The following SGO2 variants were observed in gnomAD, a reference collection of about 807,000 sequenced individuals.
The protein encoded by SGO2 is shugoshin 2.
In SGO2, 68 loss-of-function variants were observed where a neutral mutation model predicts 99.5. That is an observed-to-expected ratio of 0.68 (90% CI 0.56 to 0.84). The LOEUF is 0.84. SGO2 is among the 40% of genes least tolerant of loss of function. The pLI, the probability that SGO2 is intolerant of heterozygous loss-of-function variation, is 0.00. For synonymous variants in SGO2, 457 were observed against 487.1 expected, an observed-to-expected ratio of 0.94 and a Z score of 0.81; for missense variants, 1,350 against 1,436.7, an observed-to-expected ratio of 0.94 and a Z score of 0.97.
chr2:200,569,570 C>G, intron 5 of SGO2, 93 bp from the exon 6 acceptor site: 1 of 927,142 alleles, frequency 1.1e-6, no homozygotes, highest in Non-Finnish European at 1.6e-6. Flanking sequence ...ATTTGTGGTT[C>G]GATCTTAAAT....
chr2:200,545,638 G>A (rs1422613036), intron 5 of SGO2, among the ~76,000 whole-genome samples: 6 of 152,152 alleles, frequency 3.9e-5, no homozygotes, highest in African/African-American at 1.4e-4. Context: ...CCAAAAAGAG[G>A]TGGAAAAACT....
chr2:200,533,184 T>C lies in SGO2; in HGVS notation c.133+76T>C, dbSNP rs923468590. The C allele has an allele frequency of 2.8e-6, 4 of 1,421,706 alleles. No homozygotes were observed. In the African/African-American group the frequency reaches 5.8e-5, roughly 21 times the overall value. The allele number at this position is 1,421,706 out of a possible 1,614,324, so 88.1% of individuals were successfully genotyped here. On this transcript the variant is annotated intron_variant, in intron 2 of 8. Coordinates refer to ENST00000357799, the MANE Select transcript of SGO2 (RefSeq NM_152524.6). ...ATTGTTATATATTTGCTACCTTATT[T>C]TATCAAGTACAGAAAATTACTAAAA...
intron 8 of SGO2, among the ~76,000 whole-genome samples, chr2:200,577,139 C>T (rs1317079700): frequency 6.6e-6 from 1 of 151,920 alleles, no homozygotes; most frequent in African/African-American, 2.4e-5. Flanking sequence ...TACCATTTTA[C>T]ATGCTTACCA....
chr2:200,556,266 G>A (rs977653893), intron 5 of SGO2, among the ~76,000 whole-genome samples: 3 of 152,190 alleles, frequency 2.0e-5, no homozygotes, highest in East Asian at 3.9e-4. Context: ...GTGCTAAGTC[G>A]AATATCCGCT....
intron 4 of SGO2, 49 bp from the exon 5 acceptor site, chr2:200,542,530 G>A: frequency 7.0e-7 from 1 of 1,431,164 alleles, no homozygotes; most frequent in Non-Finnish European, 9.7e-7. Context: ...TAACTAACAT[G>A]ATTTAATAAG....
chr2:200,545,744 TCA>T (rs1381288847), intron 5 of SGO2, among the ~76,000 whole-genome samples: 1 of 152,104 alleles, frequency 6.6e-6, no homozygotes, highest in African/African-American at 2.4e-5. Flanking sequence ...TCCCCTCAAC[TCA>T]CAGTTTCTAT....
Position 200,583,553 on chromosome 2 carries a change from T to C in SGO2, c.*89T>C. On this transcript the variant is annotated 3_prime_UTR_variant, in exon 9 of 9. Transcript: ENST00000357799. ...AGTATCAAGAAGATGAAATGCTTAA[T>C]GAAAAGGTTTTTTTTTTGTTTCTTT... 1 of 1,266,194 alleles carries C rather than the reference T, an allele frequency of 7.9e-7. No individual in the cohort carries two copies. The highest frequency in any genetic ancestry group is 1.1e-6 in the Non-Finnish European group (1 of 919,206). The allele number at this position is 1,266,194 out of a possible 1,614,324, so 78.4% of individuals were successfully genotyped here. A position where few individuals can be genotyped will look rare whatever the true frequency, so the allele number is the denominator to read the frequency against.
At chr2:200,551,198 T>C (rs1236363961) in intron 5 of SGO2, among the ~76,000 whole-genome samples, 2 of 152,144 alleles carry the variant, frequency 1.3e-5, no homozygotes, top group Admixed American at 6.5e-5. Flanking sequence ...ATTGCAGCAC[T>C]ATTCACAATA....
chr2:200,557,851 T>G (rs1186581888), intron 5 of SGO2, among the ~76,000 whole-genome samples: 1 of 150,498 alleles, frequency 6.6e-6, no homozygotes, highest in Non-Finnish European at 1.5e-5. Context: ...TTTCTTACCT[T>G]GTTGCATTGG....
Position 200,572,817 on chromosome 2 carries a change from A to G in SGO2, c.2471A>G (p.Gln824Arg). 1 of 1,611,942 alleles carries G rather than the reference A, an allele frequency of 6.2e-7. No homozygotes were observed. The change falls in exon 7 of 9, where the codon CAA becomes CGA. Residue 824 changes from glutamine (Q) to arginine (R), a missense_variant. Coordinates refer to ENST00000357799, the MANE Select transcript of SGO2 (RefSeq NM_152524.6). Reference sequence around the variant, plus strand: ...TCAGAAATAATTCCTGAAACCAACCAAATATATGAGAATGATAACAAAGGT... The same window carrying G: ...TCAGAAATAATTCCTGAAACCAACCGAATATATGAGAATGATAACAAAGGT... ...QKSEIIPETN[Q>R]IYENDNKGVH...
At chr2:200,542,745 T>C in intron 5 of SGO2, 81 bp downstream of exon 5, 2 of 1,205,166 alleles carry the variant, frequency 1.7e-6, no homozygotes, top group South Asian at 1.5e-5. Flanking sequence ...TATTGTACAG[T>C]GTTCAGGATC....
chr2:200,572,259 T>G lies in SGO2; in HGVS notation c.1913T>G (p.Val638Gly). 2 of 1,611,644 alleles carry G rather than the reference T, an allele frequency of 1.2e-6. No homozygotes were observed. Among genetic ancestry groups the G allele is most frequent in the Non-Finnish European group, 1.7e-6 (2 of 1,179,278 alleles). Residue 638 changes from valine to glycine, a missense_variant, in exon 7 of 9, where the codon GTG (valine) becomes GGG (glycine). Val to Gly is a moderately radical substitution (Grantham distance 109). Transcript: ENST00000357799. ...TATGAGGATAATGATAAAGATGTGG[T>G]GCATGGCCTAAAAAAAGGTAATTTT... ...HMYEDNDKDV[V>G]HGLKKGNFFF... is the part of the protein sequence containing the mutation.
chr2:200,577,678 C>CTT lies in SGO2; in HGVS notation c.3782+2230_3782+2231dup, dbSNP rs748786844. On this transcript the variant is annotated intron_variant, in intron 8 of 8. Transcript: ENST00000357799. ...CCTCCAACCTATGACAGTTTTCAGT[C>CTT]TTTTTTTTTTTTTTCTGCCTTGGAC... Among the ~76,000 whole-genome samples, 22 of 140,796 alleles carry CTT rather than the reference C, an allele frequency of 1.6e-4. 1 individual carries two copies. The South Asian group carries it at 3.6e-3, about 23-fold the overall frequency. The allele number at this position is 140,796 out of a possible 152,430, so 92.4% of individuals were successfully genotyped here.
chr2:200,581,582 T>G (rs1360511366), intron 8 of SGO2, among the ~76,000 whole-genome samples: 1 of 152,138 alleles, frequency 6.6e-6, no homozygotes, highest in Non-Finnish European at 1.5e-5. Flanking sequence ...TCAATACCTA[T>G]GATGATCATT....
intron 4 of SGO2, among the ~76,000 whole-genome samples, 197 bp downstream of exon 4, chr2:200,536,339 G>A (rs1231823348): frequency 3.9e-5 from 6 of 152,040 alleles, no homozygotes; most frequent in Non-Finnish European, 8.8e-5. Context: ...TGAAAATTAG[G>A]TTTTTATTAA....
intron 5 of SGO2, among the ~76,000 whole-genome samples, chr2:200,561,366 A>G (rs1018062032): frequency 7.2e-5 from 11 of 152,198 alleles, no homozygotes; most frequent in African/African-American, 2.7e-4. Flanking sequence ...CCTACAAAGG[A>G]CATGAACTCA....
At chr2:200,566,270 T>C (rs747128797) in intron 5 of SGO2, among the ~76,000 whole-genome samples, 1 of 152,140 alleles carries the variant, frequency 6.6e-6, no homozygotes, top group African/African-American at 2.4e-5. Context: ...CCTTTCTCTT[T>C]GTTAGTTTTC....
chr2:200,566,610 A>T (rs1050147305), intron 5 of SGO2, among the ~76,000 whole-genome samples: 1 of 152,088 alleles, frequency 6.6e-6, no homozygotes, highest in Admixed American at 6.5e-5. Context: ...TCAGACAGGG[A>T]CGTTTAAGTC....
intron 5 of SGO2, among the ~76,000 whole-genome samples, chr2:200,556,455 T>C (rs946214119): frequency 6.6e-6 from 1 of 152,226 alleles, no homozygotes; most frequent in Non-Finnish European, 1.5e-5. Flanking sequence ...GTTAATCATA[T>C]GTACATGATA....
Sources: gnomAD v4.1 joint callset for allele counts (sites outside exome capture counted in the v4.1 genomes callset) on GRCh38, gnomAD v4.1.1 for gene constraint, MANE v1.5 for transcripts, NCBI Gene and HGNC (gene_info 2026-07-23, HGNC 2026-07-21) for gene names.